The following ATP10D variants were observed in gnomAD, a reference collection of about 807,000 sequenced individuals.
ATP10D encodes ATPase phospholipid transporting 10D (putative), also known as phospholipid-transporting ATPase VD.
Under a neutral mutation model 144.8 loss-of-function variants are expected in ATP10D, and 89 were observed. That is an observed-to-expected ratio of 0.61 (90% CI 0.52 to 0.73). The LOEUF (loss-of-function observed/expected upper bound fraction) is 0.73. Among genes scored for constraint, ATP10D ranks in the 30% least tolerant of loss-of-function variants. The pLI is 0.00. For synonymous variants in ATP10D, 571 were observed against 615.1 expected (o/e 0.93, Z 1.06); for missense variants, 1,603 against 1,714.8 (o/e 0.93, Z 1.15).
At chr4:47,490,941 TC>T (rs999071968) in intron 1 of ATP10D, 14 of 506,926 alleles carry the variant, frequency 2.8e-5, no homozygotes, top group Non-Finnish European at 3.6e-6. Context: ...TTTTTTTTTT[TC>T]AGTCAGAAGT....
intron 10 of ATP10D, among the ~76,000 whole-genome samples, chr4:47,551,324 A>G (rs1718724002): frequency 6.6e-6 from 1 of 152,208 alleles, no homozygotes; most frequent in Admixed American, 6.5e-5. Flanking sequence ...TGGGACAAAG[A>G]TACTAGACTC....
intron 1 of ATP10D, among the ~76,000 whole-genome samples, chr4:47,494,194 G>A (rs995386992): frequency 1.2e-4 from 18 of 152,084 alleles, no homozygotes; most frequent in Non-Finnish European, 1.9e-4. Context: ...TTGTGCAAAT[G>A]TTTCATAAGG....
intron 1 of ATP10D, among the ~76,000 whole-genome samples, chr4:47,491,919 A>G (rs1560404623): frequency 6.6e-6 from 1 of 152,204 alleles, no homozygotes; most frequent in East Asian, 1.9e-4. Context: ...TTTTTTATTG[A>G]ACTAAATACT....
At chr4:47,581,838 A>G (rs1223631301) in intron 20 of ATP10D, 122 bp from the exon 21 acceptor site, 1 of 712,214 alleles carries the variant, frequency 1.4e-6, no homozygotes, top group Non-Finnish European at 2.5e-6. Context: ...TTTATTTCAT[A>G]TGGCCAGTTC....
chr4:47,578,325 A>G (rs1255283169), intron 19 of ATP10D: 1 of 152,152 alleles, frequency 6.6e-6, no homozygotes, highest in Non-Finnish European at 1.5e-5. Context: ...TCCTCTAAAG[A>G]TGAGTCTGGA....
intron 5 of ATP10D, among the ~76,000 whole-genome samples, chr4:47,530,197 G>T (rs1210008865): frequency 6.6e-6 from 1 of 152,114 alleles, no homozygotes; most frequent in Non-Finnish European, 1.5e-5. Flanking sequence ...AACAAAAGTG[G>T]TGAGAGTAGG....
chr4:47,528,499 GTGTGTGTGTGTGTGTATATATATA>G (rs1173385889), intron 5 of ATP10D, among the ~76,000 whole-genome samples: 2 of 59,522 alleles, frequency 3.4e-5, no homozygotes, highest in African/African-American at 1.4e-4. Context: ...GTGTGTGTGT[GTGTGTGTGTGTGTGTATATATATA>G]TATATACACA....
At chr4:47,565,177 G>C (rs112949358) in intron 15 of ATP10D, among the ~76,000 whole-genome samples, 1 of 152,044 alleles carries the variant, frequency 6.6e-6, no homozygotes, top group African/African-American at 2.4e-5. Flanking sequence ...AGCCAGGATG[G>C]TCTCGACCTC....
chr4:47,536,032 A>G lies in ATP10D; in HGVS notation c.1014A>G (p.Val338=), dbSNP rs1310266729. The change falls in exon 7 of 23, where the codon GTA becomes GTG. Residue 338 remains valine, a splice_region_variant and synonymous_variant. Coordinates refer to ENST00000273859, the MANE Select transcript of ATP10D (RefSeq NM_020453.4). ...LLVIMCLTGA[V]GHGIWLSRYE... ...TCATAATGTGCTTAACTGGCGCAGT[A>G]GGTAGGTAAAATTTGATTATTTGCT... 6.2e-7 allele frequency: 1 copy of G among 1,602,810 alleles called. No individual in the cohort carries two copies. Among genetic ancestry groups the G allele is most frequent in the Admixed American group, 1.8e-5 (1 of 57,034 alleles).
At chr4:47,544,439 A>G (rs1397815381) in intron 9 of ATP10D, among the ~76,000 whole-genome samples, 2 of 152,242 alleles carry the variant, frequency 1.3e-5, no homozygotes, top group African/African-American at 2.4e-5. Context: ...ATAGATGAAA[A>G]TGGAGGAGAT....
intron 1 of ATP10D, among the ~76,000 whole-genome samples, chr4:47,496,923 CCT>C (rs1204203699): frequency 4.0e-5 from 6 of 151,852 alleles, no homozygotes; most frequent in Admixed American, 1.3e-4. Flanking sequence ...CTCACTGTAA[CCT>C]CTGCCTCCTG....
intron 5 of ATP10D, among the ~76,000 whole-genome samples, chr4:47,530,566 G>A (rs913644422): frequency 6.6e-6 from 1 of 151,884 alleles, no homozygotes; most frequent in African/African-American, 2.4e-5. Context: ...AGCAACTGTT[G>A]TGCCTCAGCC....
chr4:47,556,159 C>T (rs1049212090), intron 11 of ATP10D, among the ~76,000 whole-genome samples: 1 of 152,206 alleles, frequency 6.6e-6, no homozygotes, highest in South Asian at 2.1e-4. Flanking sequence ...TCACCATTTG[C>T]TGTGCTAGCC....
intron 3 of ATP10D, among the ~76,000 whole-genome samples, chr4:47,521,895 C>A (rs1476437430): frequency 6.6e-6 from 1 of 152,120 alleles, no homozygotes; most frequent in Non-Finnish European, 1.5e-5. Context: ...TTGGTATGTC[C>A]TGAAAATGTA....
intron 3 of ATP10D, 28 bp from the exon 4 acceptor site, chr4:47,522,984 T>TATATTC: frequency 6.5e-7 from 1 of 1,534,366 alleles, no homozygotes; most frequent in Non-Finnish European, 8.9e-7. Flanking sequence ...GATATTCTTT[T>TATATTC]TTTTTTTTAA....
intron 9 of ATP10D, among the ~76,000 whole-genome samples, chr4:47,543,093 AAG>A (rs1718238636): frequency 6.6e-6 from 1 of 152,172 alleles, no homozygotes; most frequent in Non-Finnish European, 1.5e-5. Context: ...GAGAGAGAAA[AAG>A]AGAGATCACA....
At chr4:47,514,938 A>G (rs1716552096) in intron 2 of ATP10D, among the ~76,000 whole-genome samples, 1 of 151,808 alleles carries the variant, frequency 6.6e-6, no homozygotes, top group Admixed American at 6.6e-5. Context: ...CCACTCAAAT[A>G]TTTACTATTT....
intron 22 of ATP10D, among the ~76,000 whole-genome samples, chr4:47,590,074 A>T (rs1436360055): frequency 6.6e-6 from 1 of 152,130 alleles, no homozygotes; most frequent in African/African-American, 2.4e-5. Flanking sequence ...TCGGAAGAAA[A>T]TGAGGAACAT....
chr4:47,525,737 GT>G, intron 5 of ATP10D, 95 bp downstream of exon 5: 3 of 1,036,956 alleles, frequency 2.9e-6, no homozygotes, highest in Non-Finnish European at 4.4e-6. Context: ...TTATACCCTT[GT>G]TAAATCACTA....
Sources: gnomAD v4.1 joint callset for allele counts (sites outside exome capture counted in the v4.1 genomes callset) on GRCh38, gnomAD v4.1.1 for gene constraint, MANE v1.5 for transcripts, NCBI Gene and HGNC (gene_info 2026-07-23, HGNC 2026-07-21) for gene names.